Variants in DENND1A observed in about 807,000 individuals in gnomAD.
The protein encoded by DENND1A is DENN domain containing 1A.
A neutral mutation model predicts 113.7 loss-of-function variants in DENND1A; 51 were observed. That is an observed-to-expected ratio of 0.45 (90% CI 0.36 to 0.57). The LOEUF (loss-of-function observed/expected upper bound fraction) is 0.57. Ranked by LOEUF, DENND1A falls within the 20% of genes least tolerant of loss-of-function variation. The probability of loss-of-function intolerance (pLI) is 0.00; values close to 1 mark genes in which losing one functional copy is unlikely to be tolerated. For synonymous variants in DENND1A, 565 were observed against 570.8 expected (o/e 0.99, Z 0.14); for missense variants, 1,258 against 1,395.9 (o/e 0.90, Z 1.57).
intron 19 of DENND1A, among the ~76,000 whole-genome samples, chr9:123,436,606 C>T (rs2046537799): frequency 1.3e-5 from 2 of 152,178 alleles, no homozygotes; most frequent in Admixed American, 1.3e-4. Context: ...CAAGTTGACA[C>T]TTTTGAATTC....
At chr9:123,502,575 G>C (rs1253360516) in intron 13 of DENND1A, among the ~76,000 whole-genome samples, 1 of 152,122 alleles carries the variant, frequency 6.6e-6, no homozygotes, top group Non-Finnish European at 1.5e-5. Context: ...ATATAGTCTG[G>C]ATGTTAATCC....
chr9:123,640,562 G>A (rs1426754489), intron 9 of DENND1A, among the ~76,000 whole-genome samples: 4 of 152,188 alleles, frequency 2.6e-5, no homozygotes, highest in Admixed American at 6.5e-5. Flanking sequence ...CTATTACGAC[G>A]ATCCTAATAT....
intron 8 of DENND1A, among the ~76,000 whole-genome samples, chr9:123,666,503 A>G (rs916460729): frequency 2.6e-5 from 4 of 152,190 alleles, no homozygotes; most frequent in Middle Eastern, 3.5e-3. Flanking sequence ...TAAAAAGTAG[A>G]AGTGTAATTC....
At chr9:123,614,325 CCTCTTGGT>C (rs556125620) in intron 10 of DENND1A, among the ~76,000 whole-genome samples, 77 of 152,322 alleles carry the variant, frequency 5.1e-4, no homozygotes, top group African/African-American at 1.8e-3. Flanking sequence ...ATTCGCCAGT[CCTCTTGGT>C]TCCAGGCCTG....
At chr9:123,702,142 T>G in intron 5 of DENND1A, among the ~76,000 whole-genome samples, 1 of 150,258 alleles carries the variant, frequency 6.7e-6, no homozygotes, top group African/African-American at 2.5e-5. Flanking sequence ...AGTTGAAAAA[T>G]ACAAAAATAA....
intron 5 of DENND1A, among the ~76,000 whole-genome samples, chr9:123,728,151 T>C (rs1417987435): frequency 6.7e-6 from 1 of 149,530 alleles, no homozygotes; most frequent in Non-Finnish European, 1.5e-5. Context: ...ATGTACTATG[T>C]TCATGGACTG....
chr9:123,494,797 T>A (rs562317596), intron 13 of DENND1A, among the ~76,000 whole-genome samples: 1 of 152,096 alleles, frequency 6.6e-6, no homozygotes, highest in Admixed American at 6.5e-5. Context: ...CCTTTTTTTG[T>A]ACTTTTTTTT....
intron 21 of DENND1A, among the ~76,000 whole-genome samples, chr9:123,389,835 G>C (rs1257002755): frequency 6.6e-6 from 1 of 152,240 alleles, no homozygotes; most frequent in African/African-American, 2.4e-5. Flanking sequence ...CAGGCCGTGG[G>C]CTTCTGCTGC....
chr9:123,710,673 G>GT (rs11392793), intron 5 of DENND1A, among the ~76,000 whole-genome samples: 31,526 of 138,892 alleles, frequency 0.23, 4,444 homozygotes, highest in African/African-American at 0.41. Context: ...AATCTTGGAG[G>GT]TTTTTTTTTT....
At chr9:123,508,171 C>T (rs2053135261) in intron 13 of DENND1A, among the ~76,000 whole-genome samples, 1 of 152,200 alleles carries the variant, frequency 6.6e-6, no homozygotes, top group Non-Finnish European at 1.5e-5. Flanking sequence ...CAAGACAAGG[C>T]TCCTAAAATG....
At chr9:123,640,197 G>C (rs2061953857) in intron 9 of DENND1A, among the ~76,000 whole-genome samples, 1 of 152,188 alleles carries the variant, frequency 6.6e-6, no homozygotes, top group Admixed American at 6.5e-5. Context: ...CCACACAAAA[G>C]CATTATGAAA....
Position 123,605,987 on chromosome 9 carries a change from G to C in DENND1A, c.765+3449C>G, listed in dbSNP as rs189178443. Among the ~76,000 whole-genome samples the C allele has an allele frequency of 5.9e-5, 9 of 152,314 alleles. No homozygotes were observed. The East Asian group carries it at 1.7e-3, about 29-fold the overall frequency. Reference sequence around the variant, plus strand: ...AAGCCTTTTGCTGAATTGCCAGTAAGAAAACTAGTGTAGCGAGAGGAGATG... The same window carrying C: ...AAGCCTTTTGCTGAATTGCCAGTAACAAAACTAGTGTAGCGAGAGGAGATG... On this transcript the variant is annotated intron_variant, in intron 11 of 23. Transcript: ENST00000394215.
intron 19 of DENND1A, among the ~76,000 whole-genome samples, chr9:123,423,533 G>A (rs547513851): frequency 2.0e-5 from 3 of 152,248 alleles, no homozygotes; most frequent in Admixed American, 6.5e-5. Context: ...CAAGGTCAGC[G>A]TGCAGGAGGA....
chr9:123,897,709 C>G (rs1347103898), intron 1 of DENND1A, among the ~76,000 whole-genome samples: 1 of 152,152 alleles, frequency 6.6e-6, no homozygotes, highest in African/African-American at 2.4e-5. Flanking sequence ...TGGCTCACAC[C>G]TGTAAACTCA....
At chr9:123,413,799 C>T (rs1384696490) in intron 19 of DENND1A, 13 of 985,326 alleles carry the variant, frequency 1.3e-5, no homozygotes, top group Non-Finnish European at 1.4e-5. Context: ...TCCTGGCTTA[C>T]AGGAAGTGTG....
chr9:123,493,559 T>G (rs2134026944), intron 13 of DENND1A, among the ~76,000 whole-genome samples: 1 of 152,304 alleles, frequency 6.6e-6, no homozygotes, highest in East Asian at 1.9e-4. Flanking sequence ...AGACACTCCT[T>G]CATCCAGAAG....
At chr9:123,897,025 T>C (rs939865375) in intron 1 of DENND1A, among the ~76,000 whole-genome samples, 1 of 152,090 alleles carries the variant, frequency 6.6e-6, no homozygotes, top group African/African-American at 2.4e-5. Context: ...CAGATACACA[T>C]TCACACATTT....
chr9:123,648,756 T>A (rs940189071), intron 9 of DENND1A, among the ~76,000 whole-genome samples: 2 of 152,252 alleles, frequency 1.3e-5, no homozygotes, highest in South Asian at 2.1e-4. Flanking sequence ...TAAATGTTTT[T>A]AAATTTTGCC....
intron 5 of DENND1A, among the ~76,000 whole-genome samples, chr9:123,754,810 A>G (rs896153202): frequency 2.0e-5 from 3 of 152,240 alleles, no homozygotes; most frequent in Non-Finnish European, 2.9e-5. Context: ...CTTCTCACAA[A>G]TATGAAATCC....
Sources: gnomAD v4.1 joint callset for allele counts (sites outside exome capture counted in the v4.1 genomes callset) on GRCh38, gnomAD v4.1.1 for gene constraint, MANE v1.5 for transcripts, NCBI Gene and HGNC (gene_info 2026-07-23, HGNC 2026-07-21) for gene names.